HERC2: variants seen among roughly 807,000 people sequenced by gnomAD.
The protein encoded by HERC2 is HECT and RLD domain containing E3 ubiquitin protein ligase 2.
Under a neutral mutation model 537.7 loss-of-function variants are expected in HERC2, and 102 were observed. The ratio of observed to expected loss-of-function variants is 0.19; its 90% CI spans 0.16 to 0.22. The LOEUF (loss-of-function observed/expected upper bound fraction) is 0.22. Among genes scored for constraint, HERC2 ranks in the 10% least tolerant of loss-of-function variants. HERC2 has a pLI of 1.00. For synonymous variants in HERC2, 2,224 were observed against 2,466.2 expected (o/e 0.90, Z 2.91); for missense variants, 4,236 against 6,198.2 (o/e 0.68, Z 10.63).
Position 28,292,987 on chromosome 15 carries a change from C to G in HERC2, c.223G>C (p.Asp75His). 2 of 1,611,156 alleles carry G rather than the reference C, an allele frequency of 1.2e-6. No individual in the cohort carries two copies. The highest frequency in any genetic ancestry group is 1.7e-6 in the Non-Finnish European group (2 of 1,179,572). ...TCTTTTTTCTCTTTGTCATTCAGATCTTCTTTCTTTGTTCCACTTGGTTCG... is the reference window on the plus strand; with the variant it reads ...TCTTTTTTCTCTTTGTCATTCAGATGTTCTTTCTTTGTTCCACTTGGTTCG... Reference protein sequence around the residue: ...SVEPSGTKKEDLNDKEKKDEE... With the variant: ...SVEPSGTKKEHLNDKEKKDEE... The change falls in exon 4 of 93, where the codon GAT becomes CAT. Residue 75 changes from aspartate (D) to histidine (H), a missense_variant. Around this residue, in one of 27 missense-constraint regions of HERC2, gnomAD observed 491 missense variants for 559.3 expected, o/e 0.88. Transcript: ENST00000261609.
intron 4 of HERC2, 114 bp downstream of exon 4, chr15:28,292,771 ATTT>A (rs1182922962): frequency 9.2e-7 from 1 of 1,085,658 alleles, no homozygotes; most frequent in African/African-American, 1.6e-5. Context: ...CAATATTTAA[ATTT>A]TTTATTTACT....
intron 19 of HERC2, among the ~76,000 whole-genome samples, 162 bp from the exon 20 acceptor site, chr15:28,254,680 C>T (rs1488948871): frequency 1.3e-5 from 2 of 152,216 alleles, no homozygotes; most frequent in Non-Finnish European, 2.9e-5. Flanking sequence ...GAAACCCTAA[C>T]TCAGTTGTGC....
chr15:28,307,505 C>T (rs911509169), intron 2 of HERC2, among the ~76,000 whole-genome samples: 6 of 152,282 alleles, frequency 3.9e-5, no homozygotes, highest in African/African-American at 1.4e-4. Context: ...CCTCTTAGTA[C>T]TGCTTTAACT....
At chr15:28,289,375 TA>T (rs1277342226) in intron 4 of HERC2, among the ~76,000 whole-genome samples, 1 of 147,116 alleles carries the variant, frequency 6.8e-6, no homozygotes, top group Non-Finnish European at 1.5e-5. Context: ...AAATATGATG[TA>T]AAAATCCTAA....
intron 59 of HERC2, among the ~76,000 whole-genome samples, chr15:28,178,601 T>C (rs1895521266): frequency 6.6e-6 from 1 of 152,154 alleles, no homozygotes; most frequent in African/African-American, 2.4e-5. Flanking sequence ...AGTGGTTTCA[T>C]TTTCTTTTAA....
At chr15:28,228,070 T>C in intron 35 of HERC2, 148 bp downstream of exon 35, 1 of 711,638 alleles carries the variant, frequency 1.4e-6, no homozygotes, top group East Asian at 2.7e-5. Context: ...TACCGCTGAA[T>C]TGTGACGTTA....
At chr15:28,276,328 A>G (rs1280999356) in intron 5 of HERC2, among the ~76,000 whole-genome samples, 1 of 152,170 alleles carries the variant, frequency 6.6e-6, no homozygotes, top group Non-Finnish European at 1.5e-5. Context: ...GTGCCTGAAT[A>G]ATGCACCGGG....
intron 20 of HERC2, among the ~76,000 whole-genome samples, chr15:28,253,761 A>C (rs1372391662): frequency 6.6e-6 from 1 of 152,088 alleles, no homozygotes; most frequent in African/African-American, 2.4e-5. Context: ...CAGGAGTTTG[A>C]GACCAGCCTG....
intron 86 of HERC2, chr15:28,117,403 G>C (rs2142060897): frequency 1.4e-6 from 1 of 696,116 alleles, no homozygotes; most frequent in Non-Finnish European, 2.6e-6. Context: ...CCCAGGACTA[G>C]TGTGTCTGAA....
In HERC2 at chr15:28,111,697, T is replaced by C. The variant is rs948909926; in HGVS notation, c.*66A>G. On this transcript the variant is annotated 3_prime_UTR_variant, in exon 93 of 93. Coordinates refer to ENST00000261609, the MANE Select transcript of HERC2 (RefSeq NM_004667.6). ...ATCAGACACACCAGGCAGCCTACAG[T>C]CTACACAGCAGCGAGCGCTCTGCTG... The C allele has an allele frequency of 6.5e-7, 1 of 1,546,920 alleles. No homozygotes were observed. Among genetic ancestry groups the C allele is most frequent in the Non-Finnish European group, 8.8e-7 (1 of 1,131,216 alleles).
chr15:28,240,290 C>T (rs888322743), intron 23 of HERC2, among the ~76,000 whole-genome samples: 4 of 152,014 alleles, frequency 2.6e-5, no homozygotes, highest in South Asian at 2.1e-4. Context: ...TGGTGGCAGG[C>T]GCCTGTAGTC....
chr15:28,197,948 C>A (rs1260821242), intron 50 of HERC2, among the ~76,000 whole-genome samples: 1 of 152,168 alleles, frequency 6.6e-6, no homozygotes, highest in East Asian at 1.9e-4. Flanking sequence ...ACCACACAGT[C>A]CCCTATCCTG....
chr15:28,282,941 CGGGAAGGGAT>C (rs1349775568), intron 4 of HERC2, among the ~76,000 whole-genome samples: 2 of 130,854 alleles, frequency 1.5e-5, no homozygotes, highest in Non-Finnish European at 3.1e-5. Context: ...TGGGAAGGGA[CGGGAAGGGAT>C]GGGAAGGGAC....
intron 86 of HERC2, among the ~76,000 whole-genome samples, chr15:28,118,927 G>A (rs1489986059): frequency 2.0e-5 from 3 of 152,206 alleles, no homozygotes; most frequent in East Asian, 1.9e-4. Flanking sequence ...GCCCCCAGAC[G>A]TCAATCCACA....
At chr15:28,251,672 C>T (rs572366405) in intron 20 of HERC2, among the ~76,000 whole-genome samples, 2 of 151,772 alleles carry the variant, frequency 1.3e-5, no homozygotes, top group Non-Finnish European at 2.9e-5. Context: ...TGGTGGTGTA[C>T]GCCTGTGGTC....
chr15:28,262,997 C>A lies in HERC2; in HGVS notation c.2043G>T (p.Trp681Cys). 1 of 1,614,184 alleles carries A rather than the reference C, an allele frequency of 6.2e-7. No individual in the cohort carries two copies. Reference protein sequence around the residue: ...ALTKDGQVYSWGKGDNQRLGH... With the variant: ...ALTKDGQVYSCGKGDNQRLGH... ...CAAGTCTCTGGTTGTCACCTTTTCCCCATGAATAAACTTGGCCATCTTTCG... is the reference window on the plus strand; with the variant it reads ...CAAGTCTCTGGTTGTCACCTTTTCCACATGAATAAACTTGGCCATCTTTCG... The change falls in exon 15 of 93, where the codon TGG becomes TGT. Residue 681 changes from tryptophan to cysteine, a missense_variant. Coordinates refer to ENST00000261609, the MANE Select transcript of HERC2 (RefSeq NM_004667.6).
intron 69 of HERC2, among the ~76,000 whole-genome samples, chr15:28,158,924 C>T (rs927327566): frequency 2.0e-5 from 3 of 152,128 alleles, no homozygotes; most frequent in Non-Finnish European, 4.4e-5. Flanking sequence ...TCTTTTAGGG[C>T]AGGCCTGGTG....
At chr15:28,188,660 T>C (rs1436867762) in intron 55 of HERC2, among the ~76,000 whole-genome samples, 1 of 152,088 alleles carries the variant, frequency 6.6e-6, no homozygotes, top group Non-Finnish European at 1.5e-5. Context: ...AGACCATGAC[T>C]AGGACTTGCT....
chr15:28,208,192 T>G (rs1216326170), intron 44 of HERC2, among the ~76,000 whole-genome samples: 3 of 152,208 alleles, frequency 2.0e-5, no homozygotes, highest in Non-Finnish European at 4.4e-5. Flanking sequence ...ATTAATTTCA[T>G]AACATCCTCT....
Sources: gnomAD v4.1 joint callset for allele counts (sites outside exome capture counted in the v4.1 genomes callset) on GRCh38, gnomAD v4.1.1 for gene constraint, gnomAD v4.1.1 regional missense constraint, MANE v1.5 for transcripts, NCBI Gene and HGNC (gene_info 2026-07-23, HGNC 2026-07-21) for gene names.